Variants in SLC35F2 observed in about 807,000 individuals in gnomAD.
SLC35F2 encodes queuine/queuosine transporter SLC35F2.
A neutral mutation model predicts 38.1 loss-of-function variants in SLC35F2; 25 were observed. The observed-to-expected ratio is 0.66, with a 90% CI of 0.48 to 0.92. The LOEUF (loss-of-function observed/expected upper bound fraction) is 0.92, where lower values mean the gene tolerates loss of function less well. SLC35F2 is among the 40% of genes least tolerant of loss of function. The pLI is 0.00. For synonymous variants in SLC35F2, 173 were observed against 181.7 expected (o/e 0.95, Z 0.38); for missense variants, 409 against 452.9 (o/e 0.90, Z 0.88).
chr11:107,792,330 C>T lies in SLC35F2; in HGVS notation c.*285G>A, dbSNP rs967743532. 1.1e-5 allele frequency: 3 copies of T among 270,982 alleles called. No individual in the cohort carries two copies. The highest frequency in any genetic ancestry group is 2.1e-5 in the Non-Finnish European group (3 of 145,834). 16.8% of individuals were successfully genotyped at this position (270,982 alleles called of 1,614,324 possible). ...GGATCTCTCCCCAGTCCTGCTTTCC[C>T]ACTGGTGCCTCTAAGACCCCAGTGT... On this transcript the variant is annotated 3_prime_UTR_variant, in exon 8 of 8. Coordinates refer to ENST00000525815, the MANE Select transcript of SLC35F2 (RefSeq NM_017515.5).
intron 1 of SLC35F2, chr11:107,816,274 G>A (rs1431887921): frequency 2.9e-5 from 29 of 983,526 alleles, no homozygotes; most frequent in Non-Finnish European, 3.5e-5. Context: ...GCACGTGTGT[G>A]TGTGTGTGTA....
intron 1 of SLC35F2, chr11:107,823,115 A>C: frequency 1.0e-6 from 1 of 983,024 alleles, no homozygotes; most frequent in South Asian, 4.7e-5. Flanking sequence ...GGGCTTTAAA[A>C]ATAACACTGA....
intron 2 of SLC35F2, among the ~76,000 whole-genome samples, chr11:107,812,099 T>G (rs1037344745): frequency 6.6e-6 from 1 of 151,368 alleles, no homozygotes; most frequent in South Asian, 2.1e-4. Flanking sequence ...GAGATGGGGG[T>G]CTCACCATGT....
chr11:107,820,642 T>C (rs1859653289), intron 1 of SLC35F2, among the ~76,000 whole-genome samples: 1 of 152,078 alleles, frequency 6.6e-6, no homozygotes, highest in South Asian at 2.1e-4. Context: ...ATTATGATTT[T>C]ATAACAGAGT....
Position 107,803,050 on chromosome 11 carries a change from G to A in SLC35F2, c.890C>T (p.Thr297Ile), listed in dbSNP as rs1241089132. The A allele has an allele frequency of 3.7e-6, 6 of 1,614,072 alleles. No homozygotes were observed. The highest frequency in any genetic ancestry group is 5.1e-6 in the Non-Finnish European group (6 of 1,179,980). The change falls in exon 7 of 8, where the codon ACA becomes ATA. Residue 297 changes from threonine to isoleucine, a missense_variant. Transcript: ENST00000525815. ...SATSVNLGIL[T>I]ADLYSLFVGL... The stretch of plus-strand genomic sequence containing the variant: ...AACAAAAAGGCTGTAGAGGTCCGCT[G>A]TCAGGATGCCCAGGTTGACGGAAGT...
chr11:107,816,581 C>G (rs1171921382), intron 1 of SLC35F2, among the ~76,000 whole-genome samples: 1 of 151,458 alleles, frequency 6.6e-6, no homozygotes, highest in African/African-American at 2.4e-5. Context: ...GCCATCGTGA[C>G]TGGCCCTTAC....
chr11:107,806,631 A>T, intron 4 of SLC35F2, 86 bp downstream of exon 4: 2 of 1,247,440 alleles, frequency 1.6e-6, no homozygotes, highest in Non-Finnish European at 2.3e-6. Flanking sequence ...GAAATACTCC[A>T]GTAAACAAGT....
chr11:107,817,288 GAAAGA>G (rs1565432902), intron 1 of SLC35F2, among the ~76,000 whole-genome samples: 3 of 149,598 alleles, frequency 2.0e-5, no homozygotes, highest in African/African-American at 7.4e-5. Context: ...AGAAAGGAAA[GAAAGA>G]AAAGAAAAAA....
chr11:107,802,941 C>G, intron 7 of SLC35F2, 60 bp downstream of exon 7: 3 of 1,474,790 alleles, frequency 2.0e-6, no homozygotes, highest in Non-Finnish European at 2.7e-6. Flanking sequence ...CTTGAAGAAA[C>G]CTGCTACGTT....
rs938921014 is a variant in SLC35F2 at position 107,858,681 on chromosome 11, C to G, written c.87G>C (p.Arg29Ser). ...ACCAGGTGAAGAGTTTGCCTTTTAT[C>G]CTGCGCAGCAGGCTGGAGAACTCGG... The part of the protein sequence containing the change: ...AAAEFSSLLR[R>S]IKGKLFTWNI... Residue 29 changes from arginine (R) to serine (S), a missense_variant, in exon 1 of 8, where the codon AGG becomes AGC. By Grantham distance (110) the Arg-to-Ser change is moderately radical. Coordinates refer to ENST00000525815, the MANE Select transcript of SLC35F2 (RefSeq NM_017515.5). 7.7e-6 allele frequency: 10 copies of G among 1,302,200 alleles called. No homozygotes were observed. Among genetic ancestry groups the G allele is most frequent in the Non-Finnish European group, 9.8e-6 (10 of 1,017,200 alleles). The allele number at this position is 1,302,200 out of a possible 1,614,324, so 80.7% of individuals were successfully genotyped here. A position where few individuals can be genotyped will look rare whatever the true frequency, so the allele number is the denominator to read the frequency against.
chr11:107,806,976 GTATT>G (rs1250975705), intron 3 of SLC35F2, 100 bp from the exon 4 acceptor site: 2 of 1,071,000 alleles, frequency 1.9e-6, no homozygotes, highest in Non-Finnish European at 2.7e-6. Flanking sequence ...ATAGGAGTCA[GTATT>G]TATTGAGCAT....
intron 1 of SLC35F2, 98 bp downstream of exon 1, chr11:107,858,560 C>A: frequency 9.0e-7 from 1 of 1,108,294 alleles, no homozygotes; most frequent in South Asian, 4.7e-5. Flanking sequence ...TGCCTCCCTG[C>A]TGGGGGCCTC....
chr11:107,826,432 T>C (rs1454994247), intron 1 of SLC35F2, among the ~76,000 whole-genome samples: 3 of 152,060 alleles, frequency 2.0e-5, no homozygotes, highest in African/African-American at 4.8e-5. Context: ...TTAGTAGAGA[T>C]AGGGTTTCTC....
At chr11:107,807,588 T>TTTTTGTGA (rs1859417199) in intron 3 of SLC35F2, among the ~76,000 whole-genome samples, 1 of 151,656 alleles carries the variant, frequency 6.6e-6, no homozygotes. Flanking sequence ...TTATTTTTTT[T>TTTTTGTGA]TTGAGATGGA....
At chr11:107,830,125 T>G (rs568589109) in intron 1 of SLC35F2, among the ~76,000 whole-genome samples, 1 of 152,166 alleles carries the variant, frequency 6.6e-6, no homozygotes, top group East Asian at 1.9e-4. Flanking sequence ...AAATTGTAAT[T>G]AAAAACTCAT....
At chr11:107,833,374 C>T (rs1476310325) in intron 1 of SLC35F2, among the ~76,000 whole-genome samples, 10 of 152,018 alleles carry the variant, frequency 6.6e-5, no homozygotes, top group Non-Finnish European at 2.9e-5. Flanking sequence ...ACAAAATTAG[C>T]CAGGCGTGGT....
intron 4 of SLC35F2, 82 bp from the exon 5 acceptor site, chr11:107,805,597 C>T (rs1396766165): frequency 6.7e-6 from 10 of 1,503,590 alleles, no homozygotes; most frequent in Non-Finnish European, 8.8e-6. Flanking sequence ...TCATCTGACT[C>T]GTGTTCATTT....
intron 7 of SLC35F2, among the ~76,000 whole-genome samples, chr11:107,796,756 C>G (rs1182574984): frequency 2.0e-5 from 3 of 152,150 alleles, no homozygotes; most frequent in African/African-American, 7.2e-5. Context: ...GCAACCTGTG[C>G]CTCCCAGGCT....
intron 1 of SLC35F2, among the ~76,000 whole-genome samples, chr11:107,847,764 A>G (rs1860121010): frequency 6.6e-6 from 1 of 152,208 alleles, no homozygotes; most frequent in African/African-American, 2.4e-5. Flanking sequence ...TAACAGTGAA[A>G]GCAATCCCAG....
Sources: gnomAD v4.1 joint callset for allele counts (sites outside exome capture counted in the v4.1 genomes callset) on GRCh38, gnomAD v4.1.1 for gene constraint, MANE v1.5 for transcripts, NCBI Gene and HGNC (gene_info 2026-07-23, HGNC 2026-07-21) for gene names.